ANKH: variants seen among roughly 807,000 people sequenced by gnomAD.
ANKH encodes mineralization regulator ANKH.
ANKH carries 15 observed loss-of-function variants against 49.0 expected under a neutral mutation model. The ratio of observed to expected loss-of-function variants is 0.31; its 90% CI spans 0.20 to 0.47. The LOEUF is 0.47. Among genes scored for constraint, ANKH ranks in the 20% least tolerant of loss-of-function variants. The pLI, the probability that ANKH is intolerant of heterozygous loss-of-function variation, is 1.00. For synonymous variants in ANKH, 273 were observed against 260.0 expected, an observed-to-expected ratio of 1.05 and a Z score of -0.48; for missense variants, 429 against 652.0, an observed-to-expected ratio of 0.66 and a Z score of 3.72.
rs966641060 is a variant in ANKH, at chr5:14,730,225, C to A, written c.1011+11602G>T. Among the ~76,000 whole-genome samples, 12 of 152,338 alleles carry A rather than the reference C, an allele frequency of 7.9e-5. No individual in the cohort carries two copies. In the South Asian group the frequency reaches 1.9e-3, roughly 24 times the overall value. On this transcript the variant is annotated intron_variant, in intron 8 of 11. Transcript: ENST00000284268. ...CCTTCTCCCGGACAAAGTTTCTCCC[C>A]AGAAGCTGGAGCAGGGGGGCTCACA...
At chr5:14,847,933 A>T (rs937874512) in intron 1 of ANKH, among the ~76,000 whole-genome samples, 7 of 152,326 alleles carry the variant, frequency 4.6e-5, no homozygotes, top group African/African-American at 1.7e-4. Context: ...ACTTGAGGTC[A>T]GGAGTTTGAG....
chr5:14,863,809 T>G (rs749286372), intron 1 of ANKH, among the ~76,000 whole-genome samples: 15 of 152,182 alleles, frequency 9.9e-5, no homozygotes, highest in Non-Finnish European at 1.6e-4. Flanking sequence ...CATAACCTGC[T>G]CCATTGTCCC....
chr5:14,743,220 C>A (rs892260420), intron 7 of ANKH, among the ~76,000 whole-genome samples: 2 of 152,200 alleles, frequency 1.3e-5, no homozygotes, highest in Non-Finnish European at 2.9e-5. Flanking sequence ...TGGAGACCTC[C>A]GTCTCCATTC....
At chr5:14,732,875 T>C (rs1738048073) in intron 8 of ANKH, among the ~76,000 whole-genome samples, 1 of 152,144 alleles carries the variant, frequency 6.6e-6, no homozygotes, top group South Asian at 2.1e-4. Context: ...CAGCTTGACC[T>C]AAATCCCTCT....
At chr5:14,834,502 C>G (rs905108828) in intron 1 of ANKH, among the ~76,000 whole-genome samples, 1 of 152,128 alleles carries the variant, frequency 6.6e-6, no homozygotes, top group Non-Finnish European at 1.5e-5. Flanking sequence ...AAGATCTGGC[C>G]GGGCGCAGTG....
chr5:14,744,782 T>C (rs1455441506), intron 7 of ANKH, among the ~76,000 whole-genome samples: 1 of 152,176 alleles, frequency 6.6e-6, no homozygotes, highest in Non-Finnish European at 1.5e-5. Flanking sequence ...GCCTCGCCCC[T>C]CTCAGAACCC....
chr5:14,794,574 C>A (rs1467275967), intron 1 of ANKH, among the ~76,000 whole-genome samples: 1 of 152,232 alleles, frequency 6.6e-6, no homozygotes, highest in African/African-American at 2.4e-5. Flanking sequence ...TAAATGTCCC[C>A]AGGTTTACTA....
intron 1 of ANKH, among the ~76,000 whole-genome samples, chr5:14,796,118 T>C (rs1314928948): frequency 6.6e-6 from 1 of 152,080 alleles, no homozygotes; most frequent in Non-Finnish European, 1.5e-5. Flanking sequence ...GGTACAGGCA[T>C]ATTCAGACCT....
chr5:14,781,051 G>A (rs1203692096), intron 1 of ANKH, among the ~76,000 whole-genome samples: 1 of 152,196 alleles, frequency 6.6e-6, no homozygotes, highest in African/African-American at 2.4e-5. Context: ...AGCAATTTCG[G>A]ATTTTGGTCC....
In ANKH at chr5:14,711,173, G is replaced by A. The variant is rs760967076; in HGVS notation, c.*24C>T. The A allele has an allele frequency of 5.1e-6, 8 of 1,562,102 alleles. No homozygotes were observed. The Admixed American group carries it at 1.2e-4, about 23-fold the overall frequency. On this transcript the variant is annotated 3_prime_UTR_variant, in exon 12 of 12. Coordinates refer to ENST00000284268, the MANE Select transcript of ANKH (RefSeq NM_054027.6). ...AGTGTCATCCTGACTGACTGTCCCT[G>A]CAGTGCCCATGGCGTCCCGTGCCTT...
intron 8 of ANKH, among the ~76,000 whole-genome samples, chr5:14,726,477 GTGAGAGC>G (rs913841023): frequency 6.6e-6 from 1 of 152,160 alleles, no homozygotes; most frequent in Non-Finnish European, 1.5e-5. Flanking sequence ...GACCATCCAG[GTGAGAGC>G]TGGCAAGGGT....
intron 1 of ANKH, among the ~76,000 whole-genome samples, chr5:14,778,567 C>T (rs560980206): frequency 3.9e-5 from 6 of 152,272 alleles, no homozygotes; most frequent in African/African-American, 1.2e-4. Context: ...TTAAAATCTC[C>T]GGCTGCAATT....
intron 4 of ANKH, among the ~76,000 whole-genome samples, chr5:14,752,332 C>A (rs1738748279): frequency 6.6e-6 from 1 of 151,878 alleles, no homozygotes; most frequent in African/African-American, 2.4e-5. Context: ...AAAAATGCTG[C>A]CAAAAAACAC....
At chr5:14,714,688 C>T (rs867796760) in intron 9 of ANKH, among the ~76,000 whole-genome samples, 3 of 152,040 alleles carry the variant, frequency 2.0e-5, no homozygotes, top group Non-Finnish European at 2.9e-5. Context: ...GGTTTTTGAC[C>T]AAAGGAGAGA....
chr5:14,846,100 G>T (rs1024382377), intron 1 of ANKH, among the ~76,000 whole-genome samples: 1 of 151,806 alleles, frequency 6.6e-6, no homozygotes, highest in African/African-American at 2.4e-5. Flanking sequence ...CAAGTGATCC[G>T]CCTGCCTCGG....
intron 8 of ANKH, among the ~76,000 whole-genome samples, chr5:14,731,951 G>T (rs142529557): frequency 6.6e-6 from 1 of 152,216 alleles, no homozygotes; most frequent in Non-Finnish European, 1.5e-5. Flanking sequence ...CGAGTGTCAC[G>T]TGAACAGGGG....
At chr5:14,763,646 G>A (rs1739158477) in intron 2 of ANKH, among the ~76,000 whole-genome samples, 3 of 152,192 alleles carry the variant, frequency 2.0e-5, no homozygotes, top group Admixed American at 2.0e-4. Context: ...TATCTCACTG[G>A]CATCAAGACT....
Position 14,863,196 on chromosome 5 carries a change from A to G in ANKH, c.96+8156T>C, listed in dbSNP as rs554652447. ...GGCAACTGGTTAGTATTAAAATGAT[A>G]AAAGCAGGCACATAGCCTATAAAAA... is the stretch of plus-strand genomic sequence containing the variant. On this transcript the variant is annotated intron_variant, in intron 1 of 11. Coordinates refer to ENST00000284268, the MANE Select transcript of ANKH (RefSeq NM_054027.6). Among the ~76,000 whole-genome samples, 8 of 152,262 alleles carry G rather than the reference A, an allele frequency of 5.3e-5. No homozygotes were observed. The East Asian group carries it at 7.7e-4, about 15-fold the overall frequency.
chr5:14,769,337 G>T (rs1165523596), intron 1 of ANKH, 146 bp from the exon 2 acceptor site: 17 of 720,358 alleles, frequency 2.4e-5, no homozygotes, highest in Non-Finnish European at 4.0e-5. Context: ...TTGGATAAAG[G>T]TGATTGGTTT....
Sources: gnomAD v4.1 joint callset for allele counts (sites outside exome capture counted in the v4.1 genomes callset) on GRCh38, gnomAD v4.1.1 for gene constraint, MANE v1.5 for transcripts, NCBI Gene and HGNC (gene_info 2026-07-23, HGNC 2026-07-21) for gene names.